The following CENPF variants were observed in gnomAD, a reference collection of about 807,000 sequenced individuals.
CENPF encodes AH antigen.
Under a neutral mutation model 307.3 loss-of-function variants are expected in CENPF, and 214 were observed. The observed-to-expected ratio is 0.70, with a 90% CI of 0.62 to 0.78. The LOEUF is 0.78. Among genes scored for constraint, CENPF ranks in the 30% least tolerant of loss-of-function variants. The pLI is 0.00. For missense variants in CENPF, 3,401 were observed against 3,483.9 expected, an observed-to-expected ratio of 0.98 and a Z score of 0.60; for synonymous variants, 1,259 against 1,270.6, an observed-to-expected ratio of 0.99 and a Z score of 0.19.
intron 10 of CENPF, among the ~76,000 whole-genome samples, chr1:214,637,153 G>A (rs1382765141): frequency 6.6e-6 from 1 of 152,172 alleles, no homozygotes; most frequent in African/African-American, 2.4e-5. Flanking sequence ...TCAGAAGCTA[G>A]AATTAATTCT....
intron 1 of CENPF, among the ~76,000 whole-genome samples, chr1:214,610,448 G>A (rs1365708867): frequency 6.7e-6 from 1 of 149,868 alleles, no homozygotes; most frequent in Non-Finnish European, 1.5e-5. Flanking sequence ...GTGATATTGA[G>A]CTTTTTTTCA....
intron 10 of CENPF, among the ~76,000 whole-genome samples, chr1:214,636,111 A>G (rs1420982058): frequency 6.6e-6 from 1 of 152,148 alleles, no homozygotes; most frequent in Non-Finnish European, 1.5e-5. Context: ...CTTAGCATTG[A>G]TTACAGAGAT....
rs764536623 is a variant in CENPF, at chr1:214,629,050, C to T, written c.1073C>T (p.Thr358Ile). The change falls in exon 8 of 20, where the codon ACT becomes ATT. Residue 358 changes from threonine to isoleucine, a missense_variant. Thr to Ile is a moderately conservative substitution (Grantham distance 89, BLOSUM62 -1). Transcript: ENST00000366955. Reference sequence around the variant, plus strand: ...AACATTTTTATTCATTATTAGTATACTGCATTGGAACAAAAACTGAAAAAA... The same window carrying T: ...AACATTTTTATTCATTATTAGTATATTGCATTGGAACAAAAACTGAAAAAA... ...AQYDQASTKY[T>I]ALEQKLKKLT... is the part of the protein sequence containing the mutation. The T allele has an allele frequency of 2.1e-5, 34 of 1,601,440 alleles. No individual in the cohort carries two copies. Among genetic ancestry groups the T allele is most frequent in the Non-Finnish European group, 2.9e-5 (34 of 1,173,476 alleles).
chr1:214,661,800 G>A (rs1381297947), intron 19 of CENPF, among the ~76,000 whole-genome samples: 2 of 152,024 alleles, frequency 1.3e-5, no homozygotes, highest in African/African-American at 2.4e-5. Flanking sequence ...CATTTTCACT[G>A]AACTACATGC....
chr1:214,652,239 G>A (rs1658497079), intron 15 of CENPF, among the ~76,000 whole-genome samples: 3 of 150,538 alleles, frequency 2.0e-5, no homozygotes, highest in Admixed American at 2.0e-4. Context: ...GTTTCACTGT[G>A]TTAGCCAGGA....
chr1:214,658,740 G>T, intron 18 of CENPF, 110 bp from the exon 19 acceptor site: 1 of 1,088,208 alleles, frequency 9.2e-7, no homozygotes, highest in Non-Finnish European at 1.4e-6. Flanking sequence ...CTAGGACAAA[G>T]TATTTTTTGG....
Position 214,652,068 on chromosome 1 carries a change from A to ATTTT in CENPF, c.8160+197_8160+200dup, listed in dbSNP as rs35011701. Among the ~76,000 whole-genome samples, 61 of 127,096 alleles carry ATTTT rather than the reference A, an allele frequency of 4.8e-4. 2 individuals carry two copies. Among genetic ancestry groups the ATTTT allele is most frequent in the African/African-American group, 1.7e-3 (57 of 33,322 alleles). The allele number at this position is 127,096 out of a possible 152,430, so 83.4% of individuals were successfully genotyped here. On this transcript the variant is annotated intron_variant, in intron 15 of 19. Transcript: ENST00000366955. ...GGTCCCTCTCTTATTTTATCAGTTGATTTTTTTTTTTTTTTTTTGAGATGG... is the reference window on the plus strand; with the variant it reads ...GGTCCCTCTCTTATTTTATCAGTTGATTTTTTTTTTTTTTTTTTTTTTGAGATGG...
chr1:214,622,052 G>T, intron 6 of CENPF, 27 bp from the exon 7 acceptor site: 1 of 1,551,234 alleles, frequency 6.4e-7, no homozygotes, highest in South Asian at 1.1e-5. Context: ...ATATGAATTG[G>T]AGTGTGATTT....
rs760509692 is a variant in CENPF at position 214,663,663 on chromosome 1, G to A, written c.9214G>A (p.Val3072Ile). 5 of 1,614,070 alleles carry A rather than the reference G, an allele frequency of 3.1e-6. No homozygotes were observed. The highest frequency in any genetic ancestry group is 4.2e-6 in the Non-Finnish European group (5 of 1,180,014). Residue 3072 changes from valine to isoleucine, a missense_variant, in exon 20 of 20, where the codon GTC becomes ATC. Val to Ile is a conservative substitution (Grantham distance 29). Transcript: ENST00000366955. ...AGAACCCACCACGAAATCCGTCCCA[G>A]TCAATAATCTTCCTGAGAGAAGTCC... ...LREPTTKSVP[V>I]NNLPERSPTD...
At chr1:214,638,105 A>G in intron 11 of CENPF, 104 bp downstream of exon 11, 3 of 1,178,128 alleles carry the variant, frequency 2.5e-6, no homozygotes, top group Non-Finnish European at 3.5e-6. Context: ...ATTTTTTTTC[A>G]TATATTCCCT....
In CENPF at chr1:214,663,736, T is replaced by A. The variant is rs1405605323; in HGVS notation, c.9287T>A (p.Val3096Asp). 1 of 1,613,982 alleles carries A rather than the reference T, an allele frequency of 6.2e-7. No homozygotes were observed. The highest frequency in any genetic ancestry group is 1.1e-5 in the South Asian group (1 of 91,054). Reference sequence around the variant, plus strand: ...CTGAGGGTCAAGCGAGGCCGACTTGTCCCCAGCCCCAAAGCTGGACTGGAG... The same window carrying A: ...CTGAGGGTCAAGCGAGGCCGACTTGACCCCAGCCCCAAAGCTGGACTGGAG... Reference protein sequence around the residue: ...EGLRVKRGRLVPSPKAGLESN... With the variant: ...EGLRVKRGRLDPSPKAGLESN... The change falls in exon 20 of 20, where the codon GTC (valine) becomes GAC (aspartate). Residue 3096 changes from valine to aspartate, a missense_variant. Transcript: ENST00000366955.
At chr1:214,652,763 T>A (rs1658522469) in intron 15 of CENPF, 65 bp from the exon 16 acceptor site, 5 of 1,140,510 alleles carry the variant, frequency 4.4e-6, no homozygotes, top group Non-Finnish European at 6.0e-6. Flanking sequence ...TTTCTGACTA[T>A]TTTTTTTTAG....
At chr1:214,658,441 CCTTT>C (rs1658701551) in intron 18 of CENPF, among the ~76,000 whole-genome samples, 1 of 152,062 alleles carries the variant, frequency 6.6e-6, no homozygotes, top group African/African-American at 2.4e-5. Context: ...CCCCCCTTTC[CCTTT>C]CTTTTTTTTT....
chr1:214,639,608 A>G (rs1285987871), intron 11 of CENPF, among the ~76,000 whole-genome samples: 4 of 152,254 alleles, frequency 2.6e-5, no homozygotes, highest in Admixed American at 2.6e-4. Flanking sequence ...GTAAACACAT[A>G]CAAAGAAAAG....
intron 1 of CENPF, among the ~76,000 whole-genome samples, chr1:214,609,269 A>AGCATGACTTTACCACCTTTT (rs1657136839): frequency 6.6e-6 from 1 of 152,162 alleles, no homozygotes; most frequent in Non-Finnish European, 1.5e-5. Flanking sequence ...GTCTGTCTGG[A>AGCATGACTTTACCACCTTTT]GCATGACTTT....
At chr1:214,660,129 A>G (rs1032461631) in intron 19 of CENPF, among the ~76,000 whole-genome samples, 3 of 152,258 alleles carry the variant, frequency 2.0e-5, no homozygotes, top group African/African-American at 7.2e-5. Context: ...TGATCTAAAC[A>G]TCACAACAAC....
At chr1:214,620,424 T>G (rs1292498521) in intron 5 of CENPF, among the ~76,000 whole-genome samples, 2 of 152,164 alleles carry the variant, frequency 1.3e-5, no homozygotes, top group South Asian at 4.1e-4. Context: ...TTTGAATAGA[T>G]TGGGCATGAG....
intron 1 of CENPF, among the ~76,000 whole-genome samples, chr1:214,606,299 G>C (rs913476513): frequency 7.8e-6 from 1 of 127,886 alleles, no homozygotes; most frequent in Non-Finnish European, 1.7e-5. Context: ...GTTCCCTGGC[G>C]CTGCCGTTCC....
rs369919178 is a variant in CENPF at position 214,638,152 on chromosome 1, C to T, written c.1582+151C>T. 15 of 830,966 alleles carry T rather than the reference C, an allele frequency of 1.8e-5. No homozygotes were observed. The African/African-American group carries it at 2.1e-4, about 12-fold the overall frequency. The allele number at this position is 830,966 out of a possible 1,614,324, so 51.5% of individuals were successfully genotyped here. ...GCGCAGTTGATGTGGAAGAGTTTTC[C>T]CTCTTCTAGTTTTTAGTTTCCAGAG... is the stretch of plus-strand genomic sequence containing the variant. On this transcript the variant is annotated intron_variant, in intron 11 of 19. Transcript: ENST00000366955.
Sources: allele counts gnomAD v4.1 joint callset (sites outside exome capture counted in the v4.1 genomes callset), GRCh38; gene constraint gnomAD v4.1.1; transcripts MANE v1.5; gene names NCBI Gene and HGNC (gene_info 2026-07-23, HGNC 2026-07-21).